OPCML: variants seen among roughly 807,000 people sequenced by gnomAD.
The protein encoded by OPCML is opioid binding protein/cell adhesion molecule like.
OPCML carries 13 observed loss-of-function variants against 37.8 expected under a neutral mutation model. The ratio of observed to expected loss-of-function variants is 0.34; its 90% CI spans 0.22 to 0.55. The LOEUF is 0.55. OPCML is among the 20% of genes least tolerant of loss of function. The pLI is 0.91. For missense variants in OPCML, 341 were observed against 435.6 expected (o/e 0.78, Z 1.93); for synonymous variants, 176 against 168.8 (o/e 1.04, Z -0.33).
chr11:133,439,872 A>T (rs1031552963), intron 1 of OPCML, among the ~76,000 whole-genome samples: 5 of 152,256 alleles, frequency 3.3e-5, no homozygotes, highest in African/African-American at 9.6e-5. Context: ...TTAAAAGAAT[A>T]TTATATCATG....
chr11:133,037,058 G>A (rs144694536), intron 1 of OPCML, among the ~76,000 whole-genome samples: 1 of 152,124 alleles, frequency 6.6e-6, no homozygotes, highest in Admixed American at 6.5e-5. Flanking sequence ...CACACTGTAT[G>A]GTCCCAATCG....
chr11:132,698,673 A>C (rs1047580288), intron 2 of OPCML, among the ~76,000 whole-genome samples: 1 of 152,026 alleles, frequency 6.6e-6, no homozygotes, highest in Admixed American at 6.5e-5. Context: ...TTTATTGCCT[A>C]TGCTTTTGGG....
At chr11:132,940,987 G>A (rs1945557396) in intron 2 of OPCML, among the ~76,000 whole-genome samples, 1 of 151,382 alleles carries the variant, frequency 6.6e-6, no homozygotes, top group East Asian at 1.9e-4. Flanking sequence ...TAGAAGAGAC[G>A]CAAAATCAAC....
At chr11:132,795,515 G>A (rs927417942) in intron 2 of OPCML, among the ~76,000 whole-genome samples, 1 of 152,042 alleles carries the variant, frequency 6.6e-6, no homozygotes, top group Non-Finnish European at 1.5e-5. Flanking sequence ...TAAAACGAAC[G>A]AGCCAAATTT....
chr11:133,258,703 G>A (rs976789621), intron 1 of OPCML, among the ~76,000 whole-genome samples: 10 of 152,122 alleles, frequency 6.6e-5, no homozygotes, highest in Non-Finnish European at 1.5e-4. Flanking sequence ...CTGGGGCACA[G>A]GTCACTCTGT....
intron 4 of OPCML, among the ~76,000 whole-genome samples, chr11:132,441,301 G>A (rs1379864876): frequency 1.4e-5 from 2 of 147,480 alleles, no homozygotes; most frequent in Non-Finnish European, 3.0e-5. Flanking sequence ...CCAAGTAGCT[G>A]GGACTGCAGG....
intron 2 of OPCML, among the ~76,000 whole-genome samples, chr11:132,687,588 C>A (rs1160829200): frequency 6.6e-6 from 1 of 150,868 alleles, no homozygotes; most frequent in Non-Finnish European, 1.5e-5. Flanking sequence ...CTTTTTTAAT[C>A]CCTCAAATAC....
At chr11:132,728,307 T>C (rs773855449) in intron 2 of OPCML, among the ~76,000 whole-genome samples, 52 of 152,116 alleles carry the variant, frequency 3.4e-4, no homozygotes, top group Admixed American at 2.0e-4. Context: ...ATTCCTTCTC[T>C]GTATTTGATC....
chr11:133,486,099 G>T (rs1227300582), intron 1 of OPCML, among the ~76,000 whole-genome samples: 1 of 152,078 alleles, frequency 6.6e-6, no homozygotes, highest in Non-Finnish European at 1.5e-5. Flanking sequence ...TAATATATAT[G>T]AATTAAGTCT....
chr11:132,442,220 C>A (rs2136783982), intron 4 of OPCML, among the ~76,000 whole-genome samples: 1 of 152,266 alleles, frequency 6.6e-6, no homozygotes, highest in East Asian at 1.9e-4. Flanking sequence ...TTTTTTAGTT[C>A]TTTGTCATTT....
At chr11:133,118,308 C>A in intron 1 of OPCML, 1 of 985,368 alleles carries the variant, frequency 1.0e-6, no homozygotes, top group Non-Finnish European at 1.2e-6. Flanking sequence ...GAAGAAAATT[C>A]TGTCTTTTGA....
intron 2 of OPCML, among the ~76,000 whole-genome samples, chr11:132,788,131 G>A (rs555151730): frequency 5.3e-4 from 81 of 152,136 alleles, no homozygotes; most frequent in African/African-American, 1.7e-3. Flanking sequence ...CACCCACCTC[G>A]GCCTCCCAAA....
chr11:132,745,740 A>G (rs1945611120), intron 2 of OPCML, among the ~76,000 whole-genome samples: 1 of 152,126 alleles, frequency 6.6e-6, no homozygotes, highest in African/African-American at 2.4e-5. Context: ...GCGCAGTGTA[A>G]TTAAGGAGGC....
intron 1 of OPCML, among the ~76,000 whole-genome samples, chr11:133,471,404 G>C (rs1260473510): frequency 6.6e-6 from 1 of 152,186 alleles, no homozygotes; most frequent in East Asian, 1.9e-4. Context: ...TGAGTGTATT[G>C]TATGCTATCA....
intron 2 of OPCML, among the ~76,000 whole-genome samples, chr11:132,854,996 T>C (rs1403211584): frequency 6.6e-6 from 1 of 152,208 alleles, no homozygotes; most frequent in African/African-American, 2.4e-5. Flanking sequence ...ACTATTCCCC[T>C]CCTTGCCCAG....
intron 1 of OPCML, among the ~76,000 whole-genome samples, chr11:133,335,489 G>A (rs758906270): frequency 9.9e-5 from 15 of 152,150 alleles, no homozygotes; most frequent in Non-Finnish European, 2.2e-4. Context: ...CTCTCCTGGT[G>A]AGGCTGCTGC....
chr11:132,829,345 C>T (rs756861234), intron 2 of OPCML, among the ~76,000 whole-genome samples: 1 of 152,086 alleles, frequency 6.6e-6, no homozygotes, highest in Non-Finnish European at 1.5e-5. Context: ...ATATTGAAAC[C>T]CTCTGAGATA....
chr11:133,378,044 T>G (rs1944854472), intron 1 of OPCML, among the ~76,000 whole-genome samples: 1 of 152,238 alleles, frequency 6.6e-6, no homozygotes, highest in South Asian at 2.1e-4. Context: ...GGTTTTACTC[T>G]TTATTCTGAC....
chr11:132,898,841 C>T (rs971403318), intron 2 of OPCML, among the ~76,000 whole-genome samples: 2 of 151,130 alleles, frequency 1.3e-5, no homozygotes, highest in African/African-American at 2.5e-5. Flanking sequence ...TTAGACTGCC[C>T]CCCCCACCCC....
Sources: allele counts gnomAD v4.1 joint callset (sites outside exome capture counted in the v4.1 genomes callset), GRCh38; gene constraint gnomAD v4.1.1; transcripts MANE v1.5; gene names NCBI Gene and HGNC (gene_info 2026-07-23, HGNC 2026-07-21).